Variants in NEGR1 observed in about 807,000 individuals in gnomAD.
The protein encoded by NEGR1 is neuronal growth regulator 1.
In NEGR1, 10 loss-of-function variants were observed where a neutral mutation model predicts 40.9. The observed-to-expected ratio is 0.24, with a 90% confidence interval of 0.15 to 0.42. The LOEUF is 0.42. Among genes scored for constraint, NEGR1 ranks in the 10% least tolerant of loss-of-function variants. NEGR1 has a pLI of 1.00. For missense variants in NEGR1, 352 were observed against 438.9 expected (o/e 0.80, Z 1.77); for synonymous variants, 185 against 166.8 (o/e 1.11, Z -0.84).
chr1:71,435,000 A>T (rs1459650359), intron 6 of NEGR1, among the ~76,000 whole-genome samples: 1 of 152,028 alleles, frequency 6.6e-6, no homozygotes, highest in Non-Finnish European at 1.5e-5. Context: ...CTGAGGCAGG[A>T]GAATGGCGTG....
At chr1:71,472,950 T>C (rs954784386) in intron 6 of NEGR1, among the ~76,000 whole-genome samples, 2 of 151,852 alleles carry the variant, frequency 1.3e-5, no homozygotes, top group Non-Finnish European at 2.9e-5. Context: ...TATGAAACAA[T>C]GGGACAGAAA....
At chr1:71,548,057 A>C (rs764304588) in intron 6 of NEGR1, among the ~76,000 whole-genome samples, 70 of 151,816 alleles carry the variant, frequency 4.6e-4, no homozygotes, top group Non-Finnish European at 9.4e-4. Context: ...ATCTGGACTG[A>C]TCAAACCTCA....
At chr1:72,140,352 C>A (rs186818127) in intron 1 of NEGR1, among the ~76,000 whole-genome samples, 1 of 152,072 alleles carries the variant, frequency 6.6e-6, no homozygotes, top group East Asian at 1.9e-4. Context: ...TTTACTGGCT[C>A]ACAGTTCTGG....
chr1:71,460,730 T>C (rs763174403), intron 6 of NEGR1, among the ~76,000 whole-genome samples: 2 of 152,110 alleles, frequency 1.3e-5, no homozygotes, highest in African/African-American at 2.4e-5. Context: ...AATTTTGAAG[T>C]TATCTGGAGA....
intron 1 of NEGR1, among the ~76,000 whole-genome samples, chr1:72,050,948 A>T (rs1399249587): frequency 1.2e-4 from 18 of 151,500 alleles, no homozygotes; most frequent in Non-Finnish European, 1.8e-4. Flanking sequence ...TTGGAATCAT[A>T]TTCCCCAGTC....
chr1:71,713,881 C>T (rs918567646), intron 3 of NEGR1, among the ~76,000 whole-genome samples: 3 of 152,098 alleles, frequency 2.0e-5, no homozygotes, highest in African/African-American at 7.2e-5. Context: ...TATAGATAAA[C>T]AAGTGATTAA....
At chr1:71,570,813 G>GA (rs1214906582) in intron 6 of NEGR1, 3 of 151,980 alleles carry the variant, frequency 2.0e-5, no homozygotes, top group African/African-American at 4.8e-5. Flanking sequence ...TAATCAAATT[G>GA]AAAAAATGGA....
At chr1:72,041,244 T>C (rs1313228720) in intron 1 of NEGR1, among the ~76,000 whole-genome samples, 2 of 152,054 alleles carry the variant, frequency 1.3e-5, no homozygotes, top group African/African-American at 4.8e-5. Context: ...GTCCTTTGTT[T>C]CCCTCTTCCA....
chr1:71,838,735 T>G (rs1254483899), intron 2 of NEGR1, among the ~76,000 whole-genome samples: 1 of 151,954 alleles, frequency 6.6e-6, no homozygotes, highest in Non-Finnish European at 1.5e-5. Context: ...GATGAGAGAG[T>G]ATATCAAGCA....
intron 2 of NEGR1, among the ~76,000 whole-genome samples, chr1:71,920,943 GTAGCTC>G: frequency 6.6e-6 from 1 of 152,204 alleles, no homozygotes; most frequent in South Asian, 2.1e-4. Context: ...TTGTGTATTT[GTAGCTC>G]TAATATTCAT....
Position 71,999,682 on chromosome 1 carries a change from T to TATAC in NEGR1, c.177-64372_177-64371insGTAT, listed in dbSNP as rs1317765700. Among the ~76,000 whole-genome samples the TATAC allele has an allele frequency of 4.5e-3, 413 of 91,634 alleles. 27 individuals are homozygous for TATAC. The highest frequency in any genetic ancestry group is 6.8e-3 in the Middle Eastern group (1 of 146). The allele number at this position is 91,634 out of a possible 152,430, so 60.1% of individuals were successfully genotyped here. On this transcript the variant is annotated intron_variant, in intron 1 of 6. Coordinates refer to ENST00000357731, the MANE Select transcript of NEGR1 (RefSeq NM_173808.3). ...ATATATATATATATATATATATACA[T>TATAC]ACATATTTTTGTCCGGTCTCGGAGC...
chr1:72,123,585 T>G (rs1393274797), intron 1 of NEGR1, among the ~76,000 whole-genome samples: 1 of 151,712 alleles, frequency 6.6e-6, no homozygotes, highest in Non-Finnish European at 1.5e-5. Flanking sequence ...ACATAAAATT[T>G]TAAAAATATA....
intron 2 of NEGR1, among the ~76,000 whole-genome samples, chr1:71,842,740 G>GGAAGTAAAA (rs1659285798): frequency 6.6e-6 from 1 of 152,056 alleles, no homozygotes; most frequent in Non-Finnish European, 1.5e-5. Context: ...TCAAATTCGA[G>GGAAGTAAAA]GAAGTAAAAC....
intron 4 of NEGR1, among the ~76,000 whole-genome samples, chr1:71,685,092 G>A (rs1257062731): frequency 6.6e-6 from 1 of 151,822 alleles, no homozygotes; most frequent in Admixed American, 6.6e-5. Context: ...TTTCCCTTTA[G>A]TGTTCAATTA....
intron 2 of NEGR1, among the ~76,000 whole-genome samples, chr1:71,879,089 C>T (rs377112777): frequency 3.6e-4 from 54 of 150,908 alleles, no homozygotes; most frequent in African/African-American, 1.2e-3. Context: ...GCTGAGATCG[C>T]GCCATTGCAC....
At chr1:72,084,734 T>C (rs1482682802) in intron 1 of NEGR1, among the ~76,000 whole-genome samples, 1 of 152,088 alleles carries the variant, frequency 6.6e-6, no homozygotes, top group Non-Finnish European at 1.5e-5. Flanking sequence ...TTTAAGAAAA[T>C]TTTCTAAATT....
intron 2 of NEGR1, among the ~76,000 whole-genome samples, chr1:71,902,996 AT>A (rs1484245572): frequency 2.6e-5 from 4 of 152,030 alleles, no homozygotes; most frequent in African/African-American, 9.6e-5. Context: ...ATTTATTGAA[AT>A]GCTATTAACC....
intron 6 of NEGR1, among the ~76,000 whole-genome samples, chr1:71,565,662 C>T (rs1648595818): frequency 6.6e-6 from 1 of 151,948 alleles, no homozygotes; most frequent in Non-Finnish European, 1.5e-5. Context: ...TGAAACAGCA[C>T]ACAGCTGAAG....
chr1:71,897,156 A>T (rs1299361001), intron 2 of NEGR1, among the ~76,000 whole-genome samples: 1 of 151,592 alleles, frequency 6.6e-6, no homozygotes, highest in Non-Finnish European at 1.5e-5. Flanking sequence ...TATATATGTT[A>T]TAGAATATAT....
Sources: allele counts gnomAD v4.1 joint callset (sites outside exome capture counted in the v4.1 genomes callset), GRCh38; gene constraint gnomAD v4.1.1; transcripts MANE v1.5; gene names NCBI Gene and HGNC (gene_info 2026-07-23, HGNC 2026-07-21).